Variants in ATP1A3 observed in about 807,000 individuals in gnomAD.
The protein encoded by ATP1A3 is ATPase Na+/K+ transporting subunit alpha 3.
In ATP1A3, 12 loss-of-function variants were observed where a neutral mutation model predicts 108.8. That is an observed-to-expected ratio of 0.11 (90% CI 0.07 to 0.18). The LOEUF (loss-of-function observed/expected upper bound fraction) is 0.18. Among genes scored for constraint, ATP1A3 ranks in the 10% least tolerant of loss-of-function variants. ATP1A3 has a pLI of 1.00. For missense variants in ATP1A3, 498 were observed against 1,387.7 expected (o/e 0.36, Z 10.19); for synonymous variants, 539 against 564.5 (o/e 0.95, Z 0.64).
intron 4 of ATP1A3, 56 bp from the exon 5 acceptor site, chr19:41,986,285 T>A: frequency 6.4e-7 from 1 of 1,560,986 alleles, no homozygotes; most frequent in Non-Finnish European, 8.8e-7. Flanking sequence ...TCTCCACCAG[T>A]CCCTGCTCGC....
At chr19:41,971,463 A>G in intron 16 of ATP1A3, among the ~76,000 whole-genome samples, 1 of 152,212 alleles carries the variant, frequency 6.6e-6, no homozygotes, top group South Asian at 2.1e-4. Flanking sequence ...AATGTTCACC[A>G]TAGCACCACT....
chr19:41,993,501 G>A (rs2075359218), intron 1 of ATP1A3: 10 of 678,236 alleles, frequency 1.5e-5, no homozygotes, highest in South Asian at 5.1e-5. Context: ...TGCGGAGCCT[G>A]CACACACACA....
intron 14 of ATP1A3, among the ~76,000 whole-genome samples, chr19:41,977,532 C>A (rs143082545): frequency 6.5e-5 from 9 of 137,528 alleles, no homozygotes; most frequent in Non-Finnish European, 7.8e-5. Flanking sequence ...ACTAAAAATA[C>A]AAAAAAAAAA....
In ATP1A3 at chr19:41,981,883, G is replaced by T; in HGVS notation, c.1192+25C>A. On this transcript the variant is annotated intron_variant, in intron 9 of 22. Transcript: ENST00000648268. This position sits in a 1 kb window ranked among gnomAD's most constrained non-coding sequence, Gnocchi z 5.0. ...GGACTCCTGGAGCCAGGCCCCCATG[G>T]TCCTCACCCGGGGCCTGCGCTCACC... 2 of 1,614,208 alleles carry T rather than the reference G, an allele frequency of 1.2e-6. No individual in the cohort carries two copies. The highest frequency in any genetic ancestry group is 1.7e-6 in the Non-Finnish European group (2 of 1,180,026).
chr19:41,982,049 G>A lies in ATP1A3; in HGVS notation c.1051C>T (p.Leu351=), dbSNP rs782341271. Residue 351 remains leucine (L), a synonymous_variant, in exon 9 of 23, where the codon CTG becomes TTG. Transcript: ENST00000648268. ...MARKNCLVKN[L]EAVETLGSTS... is the part of the protein sequence containing the mutation. The stretch of plus-strand genomic sequence containing the variant: ...GAGCCCAGGGTTTCTACAGCCTCCA[G>A]GTTCTTCACCAGGCAGTTCTTCCGG... 2 of 1,614,084 alleles carry A rather than the reference G, an allele frequency of 1.2e-6. No homozygotes were observed. The highest frequency in any genetic ancestry group is 1.3e-5 in the African/African-American group (1 of 74,930).
intron 16 of ATP1A3, among the ~76,000 whole-genome samples, chr19:41,971,744 G>A (rs1328628252): frequency 1.3e-5 from 2 of 152,110 alleles, no homozygotes; most frequent in Non-Finnish European, 2.9e-5. Flanking sequence ...GATATAGACT[G>A]GAAGAGAGCA....
At chr19:41,984,740 C>A (rs1464497441) in intron 8 of ATP1A3, 178 bp downstream of exon 8, 7 of 715,748 alleles carry the variant, frequency 9.8e-6, no homozygotes, top group Non-Finnish European at 1.6e-5. Context: ...GGCCCCCAGC[C>A]CCTTCTCCGG....
At chr19:41,991,555 C>T (rs1300856053) in intron 1 of ATP1A3, among the ~76,000 whole-genome samples, 1 of 152,064 alleles carries the variant, frequency 6.6e-6, no homozygotes, top group Non-Finnish European at 1.5e-5. Context: ...GCTACAAAGG[C>T]CTGGGGTCAA....
intron 14 of ATP1A3, among the ~76,000 whole-genome samples, 180 bp from the exon 15 acceptor site, chr19:41,976,746 T>C (rs1193909669): frequency 1.3e-5 from 2 of 152,082 alleles, no homozygotes; most frequent in African/African-American, 4.8e-5. Context: ...CAGCAGGGCG[T>C]GCGGGCAGAC....
chr19:41,972,871 A>AAGGAAAGAAGGAAGGCAGGC (rs1568856448), intron 16 of ATP1A3, among the ~76,000 whole-genome samples: 29 of 133,374 alleles, frequency 2.2e-4, no homozygotes, highest in African/African-American at 7.9e-4. Context: ...AGAAGGAAGG[A>AAGGAAAGAAGGAAGGCAGGC]AGGCAGGCAG....
rs548097709 is a variant in ATP1A3 at position 41,970,352 on chromosome 19, C to T, written c.2418+36G>A. The T allele has an allele frequency of 2.2e-5, 35 of 1,614,166 alleles. 1 individual carries two copies. The South Asian group carries it at 2.9e-4, about 13-fold the overall frequency. ...GTGAGCCGGAGAGGGGAGGACTCCA[C>T]CCTCCTGGGCCCCAAGGGTGGCTGC... On this transcript the variant is annotated intron_variant, in intron 17 of 22. Coordinates refer to ENST00000648268, the MANE Select transcript of ATP1A3 (RefSeq NM_152296.5).
intron 16 of ATP1A3, among the ~76,000 whole-genome samples, chr19:41,970,917 C>G (rs574545799): frequency 6.6e-6 from 1 of 150,880 alleles, no homozygotes; most frequent in Admixed American, 6.6e-5. Flanking sequence ...CAGGCGTGAG[C>G]CACCGCGCCC....
At chr19:41,977,877 C>A in intron 14 of ATP1A3, 59 bp downstream of exon 14, 1 of 1,595,148 alleles carries the variant, frequency 6.3e-7, no homozygotes, top group South Asian at 1.1e-5. Flanking sequence ...GGGAAGCGGT[C>A]CCCCTGTGTC....
chr19:41,991,213 G>C (rs1050340395), intron 1 of ATP1A3, among the ~76,000 whole-genome samples: 1 of 152,198 alleles, frequency 6.6e-6, no homozygotes, highest in South Asian at 2.1e-4. Flanking sequence ...GGCTCAGCGC[G>C]GCTCAGCGCT....
At chr19:41,980,897 C>T (rs1442512564) in intron 11 of ATP1A3, among the ~76,000 whole-genome samples, 2 of 150,020 alleles carry the variant, frequency 1.3e-5, no homozygotes, top group Non-Finnish European at 3.0e-5. Context: ...GGTGACAGAG[C>T]GAAACTCTGT....
chr19:41,973,154 C>G (rs2075131550), intron 16 of ATP1A3, among the ~76,000 whole-genome samples: 1 of 152,164 alleles, frequency 6.6e-6, no homozygotes, highest in Non-Finnish European at 1.5e-5. Context: ...CAAGGTGTGC[C>G]GTGCGCTGAC....
chr19:41,967,460 G>A lies in ATP1A3; in HGVS notation c.2922-120C>T, dbSNP rs2075055793. 2 of 1,302,460 alleles carry A rather than the reference G, an allele frequency of 1.5e-6. No homozygotes were observed. Among genetic ancestry groups the A allele is most frequent in the East Asian group, 2.5e-5 (1 of 40,096 alleles). 80.7% of individuals were successfully genotyped at this position (1,302,460 alleles called of 1,614,324 possible). The stretch of plus-strand genomic sequence containing the variant: ...GGATCCTTCGTGCTCACAGGTGGAG[G>A]GTGCCCTGGGCGGGGCTGGGGCCTG... On this transcript the variant is annotated intron_variant, in intron 21 of 22. Coordinates refer to ENST00000648268, the MANE Select transcript of ATP1A3 (RefSeq NM_152296.5). This position sits in a 1 kb window ranked among gnomAD's most constrained non-coding sequence, Gnocchi z 4.2.
In ATP1A3 at chr19:41,966,871, G is replaced by C; in HGVS notation, c.*66C>G. 1 of 1,549,930 alleles carries C rather than the reference G, an allele frequency of 6.5e-7. No individual in the cohort carries two copies. Among genetic ancestry groups the C allele is most frequent in the Non-Finnish European group, 8.7e-7 (1 of 1,146,192 alleles). Reference sequence around the variant, plus strand: ...CTCCCCCCAGAATACAAAATTGGGGGGACTGACAGGGGCGGTCCTGGGCCT... The same window carrying C: ...CTCCCCCCAGAATACAAAATTGGGGCGACTGACAGGGGCGGTCCTGGGCCT... On this transcript the variant is annotated 3_prime_UTR_variant, in exon 23 of 23. Coordinates refer to ENST00000648268, the MANE Select transcript of ATP1A3 (RefSeq NM_152296.5).
chr19:41,970,833 T>C (rs563344185), intron 16 of ATP1A3, among the ~76,000 whole-genome samples: 14 of 151,156 alleles, frequency 9.3e-5, no homozygotes, highest in Non-Finnish European at 1.6e-4. Context: ...GGGGTTTCAC[T>C]GTGTTAGCCT....
Sources: gnomAD v4.1 joint callset for allele counts (sites outside exome capture counted in the v4.1 genomes callset) on GRCh38, gnomAD v4.1.1 for gene constraint, Gnocchi (gnomAD v3.1) non-coding constraint, MANE v1.5 for transcripts, NCBI Gene and HGNC (gene_info 2026-07-23, HGNC 2026-07-21) for gene names.